FBP2: variants seen among roughly 807,000 people sequenced by gnomAD.
FBP2 encodes the protein fructose-bisphosphatase 2.
Under a neutral mutation model 31.6 loss-of-function variants are expected in FBP2, and 27 were observed. That is an observed-to-expected ratio of 0.85 (90% CI 0.63 to 1.18). FBP2 has a LOEUF of 1.18. Among genes scored for constraint, FBP2 ranks in the 50% most tolerant of loss-of-function variants. The pLI is 0.00. For synonymous variants in FBP2, 168 were observed against 179.8 expected (o/e 0.93, Z 0.53); for missense variants, 421 against 436.1 (o/e 0.97, Z 0.31).
At chr9:94,587,890 C>T (rs1034159885) in intron 1 of FBP2, among the ~76,000 whole-genome samples, 2 of 152,060 alleles carry the variant, frequency 1.3e-5, no homozygotes, top group Non-Finnish European at 2.9e-5. Context: ...GCTCTGTCGC[C>T]CAGGCTGGAG....
At chr9:94,593,444 C>T (rs1168119650) in intron 1 of FBP2, 113 bp downstream of exon 1, 2 of 941,020 alleles carry the variant, frequency 2.1e-6, no homozygotes, top group East Asian at 2.8e-5. Context: ...CCATCTAGGG[C>T]ACACAGGGCC....
At chr9:94,578,985 G>A (rs1170490886) in intron 3 of FBP2, among the ~76,000 whole-genome samples, 14 of 136,588 alleles carry the variant, frequency 1.0e-4, no homozygotes, top group South Asian at 2.3e-4. Context: ...CCCGGAAGGC[G>A]GAGCTTGCAG....
At chr9:94,562,231 AC>A (rs1827118842) in intron 6 of FBP2, among the ~76,000 whole-genome samples, 1 of 150,030 alleles carries the variant, frequency 6.7e-6, no homozygotes, top group Non-Finnish European at 1.5e-5. Context: ...AATGGTGTGA[AC>A]CTGGGAGGCG....
chr9:94,590,959 C>T (rs554766412), intron 1 of FBP2, among the ~76,000 whole-genome samples: 2 of 152,062 alleles, frequency 1.3e-5, no homozygotes, highest in African/African-American at 4.8e-5. Flanking sequence ...TACAGAGTGT[C>T]GATTGGTGCA....
intron 5 of FBP2, among the ~76,000 whole-genome samples, chr9:94,565,416 A>C (rs1441818072): frequency 6.7e-6 from 1 of 149,918 alleles, no homozygotes; most frequent in Non-Finnish European, 1.5e-5. Flanking sequence ...TTGAGGGTGG[A>C]GTATCTTACA....
intron 5 of FBP2, among the ~76,000 whole-genome samples, chr9:94,566,198 G>A (rs59746015): frequency 6.6e-6 from 1 of 152,206 alleles, no homozygotes; most frequent in Admixed American, 6.5e-5. Flanking sequence ...GTTGGGAACA[G>A]GCCCCCCAAA....
intron 4 of FBP2, chr9:94,568,819 TTAAGG>T (rs1166319156): frequency 1.3e-5 from 2 of 152,234 alleles, no homozygotes; most frequent in East Asian, 3.9e-4. Context: ...ATAAAAATGA[TTAAGG>T]TAACTAGTCA....
At chr9:94,571,266 C>T (rs1564183274) in intron 4 of FBP2, among the ~76,000 whole-genome samples, 196 bp downstream of exon 4, 1 of 152,284 alleles carries the variant, frequency 6.6e-6, no homozygotes, top group African/African-American at 2.4e-5. Flanking sequence ...CACTCCTCCC[C>T]CCGAGTGCCC....
At chr9:94,571,796 C>A (rs1173677712) in intron 3 of FBP2, among the ~76,000 whole-genome samples, 194 bp from the exon 4 acceptor site, 1 of 152,204 alleles carries the variant, frequency 6.6e-6, no homozygotes, top group Non-Finnish European at 1.5e-5. Flanking sequence ...TGGCAAAGGC[C>A]ATTCTTGGAC....
At chr9:94,561,352 A>ACTTTTTTT (rs1827097696) in intron 6 of FBP2, among the ~76,000 whole-genome samples, 6 of 54,966 alleles carry the variant, frequency 1.1e-4, no homozygotes, top group African/African-American at 3.9e-4. Context: ...TGTGACCTGT[A>ACTTTTTTT]TTTTTTTTTT....
intron 2 of FBP2, among the ~76,000 whole-genome samples, chr9:94,585,627 GTTTT>G: frequency 1.3e-5 from 2 of 152,254 alleles, no homozygotes; most frequent in East Asian, 3.9e-4. Flanking sequence ...TTGTTTTCTT[GTTTT>G]TGTTTTGTTT....
intron 2 of FBP2, among the ~76,000 whole-genome samples, chr9:94,585,020 A>T (rs1229297879): frequency 1.3e-5 from 2 of 152,190 alleles, no homozygotes; most frequent in Non-Finnish European, 2.9e-5. Flanking sequence ...GTGCAAGGTC[A>T]CGAGAGACCC....
At chr9:94,567,504 G>T in intron 4 of FBP2, 97 bp from the exon 5 acceptor site, 2 of 1,422,760 alleles carry the variant, frequency 1.4e-6, no homozygotes, top group Non-Finnish European at 1.9e-6. Flanking sequence ...ATGGGGGCCT[G>T]CTGGCAGAGC....
At position 94,588,950 on chromosome 9, in the gene FBP2, G is replaced by A. The variant is rs76898777; in HGVS notation, c.171-1481C>T. On this transcript the variant is annotated intron_variant, in intron 1 of 6. Coordinates refer to ENST00000375337, the MANE Select transcript of FBP2 (RefSeq NM_003837.4). ...CCCCACCTGGGACACTCTTCCTCAAGAGCCATGTGACGGCCACCCCAGTCA... is the reference window on the plus strand; with the variant it reads ...CCCCACCTGGGACACTCTTCCTCAAAAGCCATGTGACGGCCACCCCAGTCA... Among the ~76,000 whole-genome samples, 1,203 of 152,288 alleles carry A rather than the reference G, an allele frequency of 7.9e-3. 21 individuals carry two copies. Among genetic ancestry groups the A allele is most frequent in the African/African-American group, 0.028 (1,154 of 41,562 alleles).
At chr9:94,571,706 C>T (rs769620824) in intron 3 of FBP2, 104 bp from the exon 4 acceptor site, 22 of 1,074,128 alleles carry the variant, frequency 2.0e-5, no homozygotes, top group South Asian at 1.3e-4. Flanking sequence ...GAAGGAAGCG[C>T]GGTTCTTTGA....
At position 94,563,339 on chromosome 9, in the gene FBP2, T is replaced by G. The variant is rs1445690465; in HGVS notation, c.825+3A>C. 1.2e-6 allele frequency: 2 copies of G among 1,613,478 alleles called. No homozygotes were observed. The highest frequency in any genetic ancestry group is 1.7e-6 in the Non-Finnish European group (2 of 1,179,750). On this transcript the variant is annotated splice_donor_region_variant and intron_variant, in intron 6 of 6. Coordinates refer to ENST00000375337, the MANE Select transcript of FBP2 (RefSeq NM_003837.4). ...GCACAGCCAGTGGACAAGGGAGAAT[T>G]ACCTTGCCCTTAGGGCTCTTCTGGT...
intron 1 of FBP2, among the ~76,000 whole-genome samples, chr9:94,590,631 G>T (rs1178646897): frequency 6.6e-6 from 1 of 152,208 alleles, no homozygotes; most frequent in Non-Finnish European, 1.5e-5. Context: ...GATCTTCGCG[G>T]TGAGTGTTAC....
chr9:94,592,706 TG>T (rs1827515773), intron 1 of FBP2, among the ~76,000 whole-genome samples: 1 of 152,200 alleles, frequency 6.6e-6, no homozygotes, highest in Non-Finnish European at 1.5e-5. Flanking sequence ...AACTAATTTT[TG>T]TATTTTTAGT....
Position 94,587,667 on chromosome 9 carries a change from T to C in FBP2, c.171-198A>G, listed in dbSNP as rs62578751. 1.8e-4 allele frequency among the ~76,000 whole-genome samples: 11 copies of C among 61,974 alleles called. No homozygotes were observed. The East Asian group carries it at 2.8e-3, about 16-fold the overall frequency. 40.7% of individuals were successfully genotyped at this position (61,974 alleles called of 152,430 possible). A position where few individuals can be genotyped will look rare whatever the true frequency, so the allele number is the denominator to read the frequency against. On this transcript the variant is annotated intron_variant, in intron 1 of 6. Transcript: ENST00000375337. ...TGCCTCCCTTACACCTTGGAGTCGT[T>C]GTCATATTTTCTTAGCCTTCCAATG...
Sources: allele counts gnomAD v4.1 joint callset (sites outside exome capture counted in the v4.1 genomes callset), GRCh38; gene constraint gnomAD v4.1.1; transcripts MANE v1.5; gene names NCBI Gene and HGNC (gene_info 2026-07-23, HGNC 2026-07-21).